The following ACCS variants were observed in gnomAD, a reference collection of about 807,000 sequenced individuals.
ACCS encodes the protein 1-aminocyclopropane-1-carboxylate synthase-like protein 1.
A neutral mutation model predicts 59.8 loss-of-function variants in ACCS; 42 were observed. That is an observed-to-expected ratio of 0.70 (90% CI 0.55 to 0.91). ACCS has a LOEUF of 0.91. ACCS is among the 40% of genes least tolerant of loss of function. ACCS has a pLI of 0.00. For missense variants in ACCS, 602 were observed against 630.4 expected (o/e 0.95, Z 0.48); for synonymous variants, 230 against 240.3 (o/e 0.96, Z 0.40).
intron 1 of ACCS, 83 bp from the exon 2 acceptor site, chr11:44,067,545 G>T (rs962906444): frequency 3.6e-6 from 5 of 1,400,214 alleles, no homozygotes; most frequent in Non-Finnish European, 4.8e-6. Context: ...AGAGAAAGGG[G>T]ACTCCCATGA....
At chr11:44,083,000 C>T (rs1953707636) in intron 12 of ACCS, among the ~76,000 whole-genome samples, 169 bp from the exon 13 acceptor site, 1 of 152,178 alleles carries the variant, frequency 6.6e-6, no homozygotes. Flanking sequence ...GCATTTCCAT[C>T]CCTTCTTGAC....
chr11:44,073,752 T>TG, intron 4 of ACCS, among the ~76,000 whole-genome samples: 1 of 152,164 alleles, frequency 6.6e-6, no homozygotes, highest in East Asian at 1.9e-4. Context: ...CTGGCGACTA[T>TG]GGGGTCTCCT....
chr11:44,080,558 C>G (rs1429615818), intron 10 of ACCS: 2 of 179,766 alleles, frequency 1.1e-5, no homozygotes, highest in Non-Finnish European at 2.4e-5. Flanking sequence ...AGACATAGAC[C>G]CTTCTTGTGT....
At chr11:44,082,471 A>T (rs1953683835) in intron 12 of ACCS, among the ~76,000 whole-genome samples, 1 of 152,230 alleles carries the variant, frequency 6.6e-6, no homozygotes, top group African/African-American at 2.4e-5. Flanking sequence ...GCAGTATGGG[A>T]TAATTTCAAA....
chr11:44,081,002 A>T lies in ACCS; in HGVS notation c.924-18A>T, dbSNP rs763890448. ...ATAGTTCTGTGTTGCCTCTGTTCCC[A>T]TGCTGTGCTCTCTGCAGGCTCCCTG... is the stretch of plus-strand genomic sequence containing the variant. On this transcript the variant is annotated intron_variant, in intron 10 of 14. Transcript: ENST00000263776. The T allele has an allele frequency of 6.2e-7, 1 of 1,613,998 alleles. No individual in the cohort carries two copies.
chr11:44,083,633 G>A (rs1953741358), intron 14 of ACCS, 56 bp downstream of exon 14: 38 of 1,613,936 alleles, frequency 2.4e-5, no homozygotes, highest in South Asian at 9.9e-5. Context: ...TGTGGCCTCC[G>A]CTTGTTTGTC....
In ACCS at chr11:44,078,065, T is replaced by A. The variant is rs1953463039; in HGVS notation, c.732+143T>A. 2.7e-6 allele frequency: 3 copies of A among 1,114,190 alleles called. No homozygotes were observed. The South Asian group carries it at 5.2e-5, about 19-fold the overall frequency. 69.0% of individuals were successfully genotyped at this position (1,114,190 alleles called of 1,614,324 possible). On this transcript the variant is annotated intron_variant, in intron 8 of 14. Transcript: ENST00000263776. ...AGACAGGTAGGGTGGTAGCACAGAA[T>A]TATTCTGGGAGTCAGGCAGAACCCT... is the stretch of plus-strand genomic sequence containing the variant.
rs903556768 is a variant in ACCS at position 44,083,988 on chromosome 11, C to T, written c.*196C>T. On this transcript the variant is annotated 3_prime_UTR_variant, in exon 15 of 15. Coordinates refer to ENST00000263776, the MANE Select transcript of ACCS (RefSeq NM_032592.4). Reference sequence around the variant, plus strand: ...AAGCTGTGGTTCAGCCTGGGCCCTCCCTCTCTCCTATTAAACAAAACTAGG... The same window carrying T: ...AAGCTGTGGTTCAGCCTGGGCCCTCTCTCTCTCCTATTAAACAAAACTAGG... The T allele has an allele frequency of 7.9e-5, 97 of 1,233,964 alleles. No individual in the cohort carries two copies. The highest frequency in any genetic ancestry group is 2.9e-4 in the Middle Eastern group (1 of 3,478). 76.4% of individuals were successfully genotyped at this position (1,233,964 alleles called of 1,614,324 possible).
At chr11:44,067,981 C>T (rs1487837178) in intron 2 of ACCS, 66 bp downstream of exon 2, 5 of 1,490,990 alleles carry the variant, frequency 3.4e-6, no homozygotes, top group Non-Finnish European at 4.5e-6. Flanking sequence ...CCTACCTTGA[C>T]CAATAAGGCA....
intron 1 of ACCS, 145 bp from the exon 2 acceptor site, chr11:44,067,483 C>T (rs1952842805): frequency 3.5e-6 from 3 of 853,674 alleles, no homozygotes; most frequent in Non-Finnish European, 5.4e-6. Flanking sequence ...ATGGTTACAG[C>T]TAAGGGACAC....
In ACCS at chr11:44,071,217, C is replaced by A. The variant is rs139319943; in HGVS notation, c.289-39C>A. 70 of 1,610,698 alleles carry A rather than the reference C, an allele frequency of 4.3e-5. No homozygotes were observed. In the African/African-American group the frequency reaches 8.5e-4, roughly 20 times the overall value. The stretch of plus-strand genomic sequence containing the variant: ...CCTGGGGCCTTTCACTGGCACCCCC[C>A]TGCCATGCTAACTCTGCCTCTGTAC... On this transcript the variant is annotated intron_variant, in intron 2 of 14. Transcript: ENST00000263776.
Position 44,067,935 on chromosome 11 carries a change from C to A in ACCS, c.288+20C>A. The A allele has an allele frequency of 6.3e-7, 1 of 1,575,838 alleles. No individual in the cohort carries two copies. Among genetic ancestry groups the A allele is most frequent in the South Asian group, 1.2e-5 (1 of 83,338 alleles). On this transcript the variant is annotated intron_variant, in intron 2 of 14. Transcript: ENST00000263776. ...CCCAGTGTGAGTGAAGCTCCCCTCC[C>A]ACTGGGACCCAAGAGAGAACTGCAG...
chr11:44,075,505 C>G, intron 5 of ACCS, 21 bp from the exon 6 acceptor site: 1 of 1,613,206 alleles, frequency 6.2e-7, no homozygotes, highest in Non-Finnish European at 8.5e-7. Flanking sequence ...CATCTTCATC[C>G]CTTGGATATG....
chr11:44,075,054 C>T (rs556681929), intron 5 of ACCS, among the ~76,000 whole-genome samples: 2 of 152,020 alleles, frequency 1.3e-5, no homozygotes, highest in Admixed American at 6.6e-5. Context: ...GAACTACCGA[C>T]CTCAGGTGAT....
At position 44,066,674 on chromosome 11, in the gene ACCS, C is replaced by T. The variant is rs1952809262; in HGVS notation, c.-28C>T. 6.6e-6 allele frequency: 1 copy of T among 152,318 alleles called. No individual in the cohort carries two copies. The highest frequency in any genetic ancestry group is 6.5e-5 in the Admixed American group (1 of 15,292). 9.4% of individuals were successfully genotyped at this position (152,318 alleles called of 1,614,324 possible). On this transcript the variant is annotated 5_prime_UTR_variant, in exon 1 of 15. Transcript: ENST00000263776. Reference sequence around the variant, plus strand: ...TTCCGCCCACTGTGCTGCCCTTCCTCGGACCTGGGCTGTCGGGAGAGCTGG... The same window carrying T: ...TTCCGCCCACTGTGCTGCCCTTCCTTGGACCTGGGCTGTCGGGAGAGCTGG...
In ACCS at chr11:44,084,021, A is replaced by T. The variant is rs1468652610; in HGVS notation, c.*229A>T. 2 of 809,276 alleles carry T rather than the reference A, an allele frequency of 2.5e-6. No individual in the cohort carries two copies. The highest frequency in any genetic ancestry group is 3.6e-6 in the Non-Finnish European group (2 of 548,606). The allele number at this position is 809,276 out of a possible 1,614,324, so 50.1% of individuals were successfully genotyped here. A position where few individuals can be genotyped will look rare whatever the true frequency, so the allele number is the denominator to read the frequency against. On this transcript the variant is annotated 3_prime_UTR_variant, in exon 15 of 15. Transcript: ENST00000263776. ...CTATTAAACAAAACTAGGAGAGTCC[A>T]TATGTCTCCATTGTGAGTTATTTAG...
At chr11:44,075,751 G>T in intron 6 of ACCS, 159 bp downstream of exon 6, 1 of 796,524 alleles carries the variant, frequency 1.3e-6, no homozygotes, top group Non-Finnish European at 1.9e-6. Flanking sequence ...AAGCACCCGG[G>T]GGTCAGCAGT....
chr11:44,075,382 C>T (rs549509831), intron 5 of ACCS, 144 bp from the exon 6 acceptor site: 3 of 760,392 alleles, frequency 3.9e-6, no homozygotes, highest in Non-Finnish European at 6.6e-6. Flanking sequence ...GCTTGGCTGT[C>T]AGTCTAGTGG....
rs933210813 is a variant in ACCS, at chr11:44,066,325, A to G, written c.-377A>G. ...ACCGCCTCCTCCAGCTCCGCCAAGT[A>G]GGTGGGATCCACTACTTTGCAGAGG... On this transcript the variant is annotated 5_prime_UTR_variant, in exon 1 of 15. Transcript: ENST00000263776. 1.3e-5 allele frequency: 2 copies of G among 152,014 alleles called. No homozygotes were observed. The highest frequency in any genetic ancestry group is 4.8e-5 in the African/African-American group (2 of 41,362). 9.4% of individuals were successfully genotyped at this position (152,014 alleles called of 1,614,324 possible). A position where few individuals can be genotyped will look rare whatever the true frequency, so the allele number is the denominator to read the frequency against.
Sources: allele counts gnomAD v4.1 joint callset (sites outside exome capture counted in the v4.1 genomes callset), GRCh38; gene constraint gnomAD v4.1.1; transcripts MANE v1.5; gene names NCBI Gene and HGNC (gene_info 2026-07-23, HGNC 2026-07-21).